WWOX: variants seen among roughly 807,000 people sequenced by gnomAD.
WWOX encodes the protein WW domain containing oxidoreductase.
Under a neutral mutation model 46.2 loss-of-function variants are expected in WWOX, and 69 were observed. That is an observed-to-expected ratio of 1.49 (90% CI 1.23 to 1.82). WWOX has a LOEUF of 1.82. WWOX is among the 40% of genes most tolerant of loss of function. The pLI, the probability that WWOX is intolerant of heterozygous loss-of-function variation, is 0.00. For missense variants in WWOX, 919 were observed against 542.6 expected, an observed-to-expected ratio of 1.69 and a Z score of -6.89; for synonymous variants, 359 against 202.6, an observed-to-expected ratio of 1.77 and a Z score of -6.56.
chr16:78,907,013 A>G (rs1015791522), intron 8 of WWOX, among the ~76,000 whole-genome samples: 3 of 152,210 alleles, frequency 2.0e-5, no homozygotes, highest in Non-Finnish European at 4.4e-5. Context: ...CGATTTATCT[A>G]GACAGGGGAA....
intron 8 of WWOX, among the ~76,000 whole-genome samples, chr16:78,958,977 T>A (rs1597207247): frequency 6.6e-6 from 1 of 152,216 alleles, no homozygotes; most frequent in African/African-American, 2.4e-5. Context: ...AATTATTTGC[T>A]AGGCCTTAGT....
chr16:78,763,341 C>G (rs1272934872), intron 8 of WWOX, among the ~76,000 whole-genome samples: 3 of 152,242 alleles, frequency 2.0e-5, no homozygotes, highest in African/African-American at 7.2e-5. Flanking sequence ...CTTCGACCCT[C>G]ACATGTTTAT....
chr16:78,977,728 G>A (rs184980579), intron 8 of WWOX, among the ~76,000 whole-genome samples: 42 of 152,182 alleles, frequency 2.8e-4, no homozygotes, highest in African/African-American at 1.0e-3. Flanking sequence ...TGCAGGGGGT[G>A]CCTGCAAGTC....
intron 8 of WWOX, among the ~76,000 whole-genome samples, chr16:78,977,174 A>G (rs4888899): frequency 0.15 from 22,509 of 152,002 alleles, 1,947 homozygotes; most frequent in East Asian, 0.32. Context: ...CATTCACTCA[A>G]GTGTTTGTTT....
At chr16:78,730,249 C>T (rs528804961) in intron 8 of WWOX, among the ~76,000 whole-genome samples, 18 of 152,170 alleles carry the variant, frequency 1.2e-4, no homozygotes, top group African/African-American at 4.1e-4. Flanking sequence ...ATCTTATGAA[C>T]GACGTTAGTA....
intron 8 of WWOX, among the ~76,000 whole-genome samples, chr16:78,824,932 G>C (rs575598250): frequency 2.0e-5 from 3 of 152,190 alleles, no homozygotes; most frequent in East Asian, 3.9e-4. Flanking sequence ...GGTTGCTTTT[G>C]TTTTTATTTG....
chr16:79,126,990 C>A (rs750329876), intron 8 of WWOX, among the ~76,000 whole-genome samples: 17 of 151,692 alleles, frequency 1.1e-4, no homozygotes, highest in Non-Finnish European at 1.6e-4. Context: ...CTTATGTGGC[C>A]ACTGCTTTTT....
intron 8 of WWOX, among the ~76,000 whole-genome samples, chr16:78,542,475 T>A (rs1042311799): frequency 3.9e-5 from 6 of 152,132 alleles, no homozygotes; most frequent in Non-Finnish European, 7.4e-5. Flanking sequence ...TTGTTTTTGT[T>A]TTTTAGTAGT....
At chr16:78,813,227 C>T (rs934487774) in intron 8 of WWOX, among the ~76,000 whole-genome samples, 5 of 152,026 alleles carry the variant, frequency 3.3e-5, no homozygotes, top group African/African-American at 9.7e-5. Context: ...TTACCTACCT[C>T]ACAGAGATGT....
chr16:78,797,094 G>A (rs748502585), intron 8 of WWOX, among the ~76,000 whole-genome samples: 2 of 152,102 alleles, frequency 1.3e-5, no homozygotes, highest in African/African-American at 2.4e-5. Context: ...CTAAAGTGTT[G>A]GGGTTGCAGG....
At chr16:78,622,300 T>A (rs180694181) in intron 8 of WWOX, among the ~76,000 whole-genome samples, 2 of 152,182 alleles carry the variant, frequency 1.3e-5, no homozygotes, top group East Asian at 3.9e-4. Flanking sequence ...CCCAGCACTT[T>A]GGGACGCCGA....
At chr16:78,692,910 T>C (rs1285898611) in intron 8 of WWOX, among the ~76,000 whole-genome samples, 1 of 152,214 alleles carries the variant, frequency 6.6e-6, no homozygotes. Flanking sequence ...TAATAGAAGA[T>C]ATCGTTTGCA....
At chr16:78,960,252 C>T (rs890996030) in intron 8 of WWOX, among the ~76,000 whole-genome samples, 5 of 152,180 alleles carry the variant, frequency 3.3e-5, no homozygotes, top group African/African-American at 1.2e-4. Flanking sequence ...AGGACAAAGA[C>T]CTCCCCACCT....
chr16:78,602,543 G>C (rs922885527), intron 8 of WWOX, among the ~76,000 whole-genome samples: 6 of 152,036 alleles, frequency 3.9e-5, no homozygotes, highest in African/African-American at 1.2e-4. Context: ...CTTCTCGATA[G>C]ATCTTATTTG....
At chr16:78,456,462 TAACAA>T (rs766192023) in intron 8 of WWOX, among the ~76,000 whole-genome samples, 13 of 152,222 alleles carry the variant, frequency 8.5e-5, no homozygotes, top group Non-Finnish European at 1.8e-4. Context: ...ATTGAGCACT[TAACAA>T]AATACTTTGT....
intron 8 of WWOX, among the ~76,000 whole-genome samples, chr16:78,733,443 A>G (rs756209521): frequency 1.3e-5 from 2 of 152,072 alleles, no homozygotes; most frequent in Non-Finnish European, 2.9e-5. Context: ...CAACAGAGTG[A>G]GACCTTGTCT....
intron 8 of WWOX, among the ~76,000 whole-genome samples, chr16:78,726,190 T>C (rs1404741971): frequency 2.0e-5 from 3 of 149,132 alleles, no homozygotes; most frequent in Non-Finnish European, 3.0e-5. Context: ...CTCTCTCTCT[T>C]TCCTTCCTTC....
At chr16:78,996,062 C>G (rs986506682) in intron 8 of WWOX, 1 of 305,686 alleles carries the variant, frequency 3.3e-6, no homozygotes, top group Admixed American at 6.5e-5. Context: ...ATTCCAAATC[C>G]AGATCCAAAA....
intron 5 of WWOX, among the ~76,000 whole-genome samples, chr16:78,176,205 A>T (rs2151748386): frequency 6.6e-6 from 1 of 152,312 alleles, no homozygotes; most frequent in East Asian, 1.9e-4. Context: ...GCTAAAACTC[A>T]CGTCTCTCAA....
Sources: allele counts gnomAD v4.1 joint callset (sites outside exome capture counted in the v4.1 genomes callset), GRCh38; gene constraint gnomAD v4.1.1; transcripts MANE v1.5; gene names NCBI Gene and HGNC (gene_info 2026-07-23, HGNC 2026-07-21).